NELL1: variants seen among roughly 807,000 people sequenced by gnomAD.
NELL1 encodes neural EGFL like 1.
A neutral mutation model predicts 107.4 loss-of-function variants in NELL1; 76 were observed. That is an observed-to-expected ratio of 0.71 (90% confidence interval 0.59 to 0.86). The LOEUF (loss-of-function observed/expected upper bound fraction) is 0.86, where lower values mean the gene tolerates loss of function less well. NELL1 is among the 40% of genes least tolerant of loss of function. The pLI is 0.00. For missense variants in NELL1, 1,024 were observed against 1,005.5 expected (o/e 1.02, Z -0.25); for synonymous variants, 353 against 341.2 (o/e 1.03, Z -0.38).
intron 15 of NELL1, among the ~76,000 whole-genome samples, chr11:21,474,088 C>T (rs1854257942): frequency 6.6e-6 from 1 of 151,982 alleles, no homozygotes; most frequent in Non-Finnish European, 1.5e-5. Context: ...CAATCTGGGC[C>T]TATGAGATTC....
intron 13 of NELL1, among the ~76,000 whole-genome samples, chr11:21,204,547 G>A (rs1382735297): frequency 6.6e-6 from 1 of 151,726 alleles, no homozygotes; most frequent in Non-Finnish European, 1.5e-5. Context: ...CCTTGCATTG[G>A]GGTAGAACAT....
Position 20,822,550 on chromosome 11 carries a change from A to C in NELL1, c.336-25033A>C, listed in dbSNP as rs148236337. ...CAGGTGTGGGTGGGTGAAACACCTC[A>C]GAGATGTTTTAATAGATTCATCTGT... On this transcript the variant is annotated intron_variant, in intron 3 of 19. Coordinates refer to ENST00000357134, the MANE Select transcript of NELL1 (RefSeq NM_006157.5). Among the ~76,000 whole-genome samples the C allele has an allele frequency of 1.9e-3, 290 of 152,316 alleles. 4 individuals are homozygous for C. The highest frequency in any genetic ancestry group is 6.8e-3 in the Middle Eastern group (2 of 294).
At chr11:21,459,937 G>A (rs1319495289) in intron 15 of NELL1, among the ~76,000 whole-genome samples, 1 of 152,004 alleles carries the variant, frequency 6.6e-6, no homozygotes, top group Non-Finnish European at 1.5e-5. Flanking sequence ...GGATTTTCTT[G>A]GAGAAGAAGC....
intron 15 of NELL1, among the ~76,000 whole-genome samples, chr11:21,502,649 A>G: frequency 6.6e-6 from 1 of 152,268 alleles, no homozygotes; most frequent in East Asian, 1.9e-4. Flanking sequence ...TGGTTGTCCT[A>G]CTACCTGCCT....
chr11:21,299,511 ATGTGTGTGTGTGTGTGTGTGTGTGTGTG>A (rs71063696), intron 14 of NELL1, among the ~76,000 whole-genome samples: 1 of 136,394 alleles, frequency 7.3e-6, no homozygotes, highest in African/African-American at 2.9e-5. Context: ...ATTGTCTTAT[ATGTGTGTGTGTGTGTGTGTGTGTGTGTG>A]TGTGTGTGTG....
chr11:20,720,972 C>T (rs1030222705), intron 2 of NELL1, among the ~76,000 whole-genome samples: 2 of 151,942 alleles, frequency 1.3e-5, no homozygotes, highest in Non-Finnish European at 2.9e-5. Flanking sequence ...TTGTCTGATG[C>T]AGCCAATAGT....
In NELL1 at chr11:21,464,425, A is replaced by G. The variant is rs551501299; in HGVS notation, c.1646-69949A>G. On this transcript the variant is annotated intron_variant, in intron 15 of 19. Transcript: ENST00000357134. ...GGCAAAAAAAAAAAAAAAAAAATTC[A>G]GAGTAATAGCATAGAGCCAGTTGAG... 1.4e-3 allele frequency among the ~76,000 whole-genome samples: 201 copies of G among 148,430 alleles called. 1 individual carries two copies. The highest frequency in any genetic ancestry group is 4.9e-3 in the African/African-American group (198 of 40,254).
intron 13 of NELL1, among the ~76,000 whole-genome samples, chr11:21,188,561 T>C (rs756448885): frequency 6.6e-6 from 1 of 151,844 alleles, no homozygotes; most frequent in Non-Finnish European, 1.5e-5. Context: ...GGCTGTTATT[T>C]AGAAGTGAAG....
intron 12 of NELL1, among the ~76,000 whole-genome samples, chr11:21,088,888 G>A (rs1267771022): frequency 1.3e-5 from 2 of 152,154 alleles, no homozygotes; most frequent in East Asian, 3.8e-4. Context: ...GGGGTCATGG[G>A]GAATTTGAGA....
At chr11:21,081,256 G>A (rs11025905) in intron 12 of NELL1, among the ~76,000 whole-genome samples, 5,524 of 152,098 alleles carry the variant, frequency 0.036, 243 homozygotes, top group South Asian at 0.11. Context: ...CTTTTCTGTG[G>A]TAACACATTC....
intron 9 of NELL1, among the ~76,000 whole-genome samples, chr11:20,937,297 T>G (rs1403147916): frequency 6.6e-6 from 1 of 152,210 alleles, no homozygotes; most frequent in Non-Finnish European, 1.5e-5. Flanking sequence ...ATTTCTCACT[T>G]GTCTCACATG....
intron 14 of NELL1, among the ~76,000 whole-genome samples, chr11:21,302,972 G>T (rs1454315653): frequency 6.6e-6 from 1 of 151,826 alleles, no homozygotes; most frequent in Non-Finnish European, 1.5e-5. Flanking sequence ...GAAGCGGGAG[G>T]ATCACTGGGG....
At chr11:21,033,520 G>A (rs183481842) in intron 12 of NELL1, among the ~76,000 whole-genome samples, 219 of 152,194 alleles carry the variant, frequency 1.4e-3, no homozygotes, top group Non-Finnish European at 2.7e-3. Context: ...AGTTTTCTAA[G>A]GATAGTGGCC....
rs956984126 is a variant in NELL1, at chr11:21,018,332, G to A, written c.1300+57772G>A. ...AACTTTCAAAGGAGTACACTTAGCC[G>A]TGGGAATTAGAGGCCATGCTGTTAC... On this transcript the variant is annotated intron_variant, in intron 12 of 19. Coordinates refer to ENST00000357134, the MANE Select transcript of NELL1 (RefSeq NM_006157.5). 5.9e-5 allele frequency among the ~76,000 whole-genome samples: 9 copies of A among 152,158 alleles called. No homozygotes were observed. In the South Asian group the frequency reaches 6.2e-4, roughly 11 times the overall value.
rs143336319 is a variant in NELL1, at chr11:21,241,496, G to A, written c.1549+12042G>A. On this transcript the variant is annotated intron_variant, in intron 14 of 19. Coordinates refer to ENST00000357134, the MANE Select transcript of NELL1 (RefSeq NM_006157.5). ...CTAGCTTAGGCTTACGCCAAGTACT[G>A]TTACTGGGTCTGCTTGGTCCAGATG... Among the ~76,000 whole-genome samples, 6 of 152,266 alleles carry A rather than the reference G, an allele frequency of 3.9e-5. No homozygotes were observed. The East Asian group carries it at 1.2e-3, about 29-fold the overall frequency.
intron 3 of NELL1, among the ~76,000 whole-genome samples, chr11:20,791,475 T>C (rs181788351): frequency 1.3e-5 from 2 of 152,340 alleles, no homozygotes; most frequent in East Asian, 1.9e-4. Context: ...TTCTAGTGAA[T>C]TCCTTAGAAT....
intron 7 of NELL1, among the ~76,000 whole-genome samples, chr11:20,924,298 A>G (rs1357736779): frequency 6.6e-6 from 1 of 152,202 alleles, no homozygotes; most frequent in African/African-American, 2.4e-5. Flanking sequence ...TCTTTGAAAA[A>G]TTAGCTTTTT....
rs533668528 is a variant in NELL1, at chr11:21,095,737, A to G, written c.1301-17852A>G. On this transcript the variant is annotated intron_variant, in intron 12 of 19. Transcript: ENST00000357134. ...GTGATTCTCCTGCCTCAGCCTCCCA[A>G]GTGGCTGGGATTACAGGCATGCACC... Among the ~76,000 whole-genome samples, 11 of 152,140 alleles carry G rather than the reference A, an allele frequency of 7.2e-5. No individual in the cohort carries two copies. In the South Asian group the frequency reaches 2.3e-3, roughly 32 times the overall value.
At chr11:21,260,392 T>C (rs1025382787) in intron 14 of NELL1, 3 of 151,902 alleles carry the variant, frequency 2.0e-5, no homozygotes, top group African/African-American at 4.8e-5. Flanking sequence ...AGGTGTCCCT[T>C]TGTATAACCA....
Sources: allele counts gnomAD v4.1 joint callset (sites outside exome capture counted in the v4.1 genomes callset), GRCh38; gene constraint gnomAD v4.1.1; transcripts MANE v1.5; gene names NCBI Gene and HGNC (gene_info 2026-07-23, HGNC 2026-07-21).